UNC13C: variants seen among roughly 807,000 people sequenced by gnomAD.
UNC13C encodes the protein unc-13 homolog C.
A neutral mutation model predicts 245.4 loss-of-function variants in UNC13C; 174 were observed. The observed-to-expected ratio is 0.71, with a 90% CI of 0.63 to 0.80. The LOEUF (loss-of-function observed/expected upper bound fraction) is 0.80. UNC13C is among the 30% of genes least tolerant of loss of function. UNC13C has a pLI of 0.00. For missense variants in UNC13C, 2,829 were observed against 2,602.9 expected, an observed-to-expected ratio of 1.09 and a Z score of -1.89; for synonymous variants, 992 against 895.1, an observed-to-expected ratio of 1.11 and a Z score of -1.93.
chr15:54,555,130 C>CA (rs1393014527), intron 28 of UNC13C, among the ~76,000 whole-genome samples: 8 of 151,994 alleles, frequency 5.3e-5, no homozygotes, highest in Admixed American at 4.6e-4. Flanking sequence ...AGTCAGGTGA[C>CA]AAAATTTCAT....
chr15:54,085,526 G>T (rs1266330164), intron 2 of UNC13C, among the ~76,000 whole-genome samples: 7 of 152,210 alleles, frequency 4.6e-5, no homozygotes, highest in South Asian at 2.1e-4. Flanking sequence ...CAGAAGCCTA[G>T]TAGAAACAAA....
chr15:54,044,842 G>T (rs145469065), intron 2 of UNC13C, among the ~76,000 whole-genome samples: 2 of 151,974 alleles, frequency 1.3e-5, no homozygotes, highest in Non-Finnish European at 1.5e-5. Context: ...GTGTTTTTCC[G>T]TGTGCTTATT....
intron 4 of UNC13C, among the ~76,000 whole-genome samples, chr15:54,174,847 A>C (rs1043138894): frequency 5.9e-5 from 9 of 152,160 alleles, no homozygotes; most frequent in Non-Finnish European, 1.3e-4. Context: ...AAGAATGGAG[A>C]TACTCCTCTT....
At chr15:54,626,340 A>C (rs1482594782) in intron 32 of UNC13C, among the ~76,000 whole-genome samples, 2 of 152,108 alleles carry the variant, frequency 1.3e-5, no homozygotes, top group Non-Finnish European at 2.9e-5. Flanking sequence ...CATATTGTGA[A>C]TAGTGCTTGA....
chr15:54,066,400 TAG>T (rs1331418583), intron 2 of UNC13C, among the ~76,000 whole-genome samples: 2 of 152,246 alleles, frequency 1.3e-5, no homozygotes, highest in Non-Finnish European at 2.9e-5. Context: ...TTATGTTTGT[TAG>T]AGTTAGTCCA....
chr15:54,518,790 T>A (rs1895090383), intron 24 of UNC13C, among the ~76,000 whole-genome samples: 1 of 152,146 alleles, frequency 6.6e-6, no homozygotes, highest in Non-Finnish European at 1.5e-5. Context: ...CATGCAGGAA[T>A]GTGAAGAAAC....
intron 19 of UNC13C, among the ~76,000 whole-genome samples, chr15:54,450,701 C>T (rs895824505): frequency 1.3e-5 from 2 of 152,204 alleles, no homozygotes; most frequent in Admixed American, 6.5e-5. Context: ...AGGGAATTCC[C>T]TGACCCCTTG....
intron 19 of UNC13C, among the ~76,000 whole-genome samples, chr15:54,416,610 A>G (rs76985080): frequency 0.016 from 2,468 of 152,160 alleles, 59 homozygotes; most frequent in African/African-American, 0.054. Flanking sequence ...GGACCCCAAG[A>G]TTCTCTTACA....
At chr15:54,257,221 CTT>C (rs1459266806) in intron 8 of UNC13C, among the ~76,000 whole-genome samples, 2 of 152,130 alleles carry the variant, frequency 1.3e-5, no homozygotes, top group African/African-American at 2.4e-5. Context: ...CCATCACTCT[CTT>C]GGTTTCTTCT....
At chr15:54,576,907 A>T (rs540132483) in intron 30 of UNC13C, among the ~76,000 whole-genome samples, 43 of 152,356 alleles carry the variant, frequency 2.8e-4, no homozygotes, top group African/African-American at 1.0e-3. Flanking sequence ...GTGCTTAGTG[A>T]GTTATAGAAC....
At chr15:54,400,258 G>T (rs2040154736) in intron 18 of UNC13C, among the ~76,000 whole-genome samples, 1 of 151,944 alleles carries the variant, frequency 6.6e-6, no homozygotes, top group Non-Finnish European at 1.5e-5. Flanking sequence ...TTTCTTTAAA[G>T]AAGATTTTTT....
intron 19 of UNC13C, among the ~76,000 whole-genome samples, chr15:54,444,684 AT>A (rs1013080483): frequency 2.6e-5 from 4 of 150,990 alleles, no homozygotes; most frequent in African/African-American, 9.7e-5. Context: ...TCTCTTCCTA[AT>A]TTTTTTGTGT....
At chr15:53,843,966 T>G in the UNC13C span, among the ~76,000 whole-genome samples, 1 of 152,142 alleles carries the variant, frequency 6.6e-6, no homozygotes, top group South Asian at 2.1e-4. Context: ...AGACGGAGTT[T>G]AAAATCTTTT....
At chr15:54,009,107 A>AT (rs749941214) in intron 1 of UNC13C, among the ~76,000 whole-genome samples, 18 of 152,308 alleles carry the variant, frequency 1.2e-4, no homozygotes, top group Admixed American at 6.5e-5. Flanking sequence ...TTATGATGGG[A>AT]TTGTATCACA....
intron 30 of UNC13C, among the ~76,000 whole-genome samples, chr15:54,579,288 C>T (rs1356705290): frequency 6.6e-6 from 1 of 152,032 alleles, no homozygotes; most frequent in Non-Finnish European, 1.5e-5. Context: ...ATGATCCCAA[C>T]ATGTCTAGAT....
intron 2 of UNC13C, among the ~76,000 whole-genome samples, chr15:54,053,783 C>T (rs2141059494): frequency 6.6e-6 from 1 of 152,162 alleles, no homozygotes; most frequent in African/African-American, 2.4e-5. Flanking sequence ...ATCCCCTTTC[C>T]TACCCCCAAC....
chr15:54,332,656 A>T (rs2038469862), intron 15 of UNC13C, among the ~76,000 whole-genome samples: 2 of 152,030 alleles, frequency 1.3e-5, no homozygotes, highest in Non-Finnish European at 1.5e-5. Flanking sequence ...ATTCATGTAC[A>T]TATGTGCATA....
chr15:54,095,232 C>T (rs1899792711), intron 2 of UNC13C, among the ~76,000 whole-genome samples: 1 of 152,184 alleles, frequency 6.6e-6, no homozygotes, highest in South Asian at 2.1e-4. Context: ...GGACATACAA[C>T]ATACAAATCA....
chr15:53,922,888 T>C, the UNC13C span, among the ~76,000 whole-genome samples: 1 of 152,214 alleles, frequency 6.6e-6, no homozygotes, highest in East Asian at 1.9e-4. Context: ...TTGCTCAAAA[T>C]ATTTTGAGAA....
Sources: allele counts gnomAD v4.1 joint callset (sites outside exome capture counted in the v4.1 genomes callset), GRCh38; gene constraint gnomAD v4.1.1; transcripts MANE v1.5; gene names NCBI Gene and HGNC (gene_info 2026-07-23, HGNC 2026-07-21).